Variants in CELSR3 observed in about 807,000 individuals in gnomAD.
CELSR3 encodes the protein cadherin EGF LAG seven-pass G-type receptor 3, also known as EGF-like protein 1.
In CELSR3, 73 loss-of-function variants were observed where a neutral mutation model predicts 270.0. That is an observed-to-expected ratio of 0.27 (90% confidence interval 0.22 to 0.33). CELSR3 has a LOEUF of 0.33. Among genes scored for constraint, CELSR3 ranks in the 10% least tolerant of loss-of-function variants. CELSR3 has a pLI of 1.00. For missense variants in CELSR3, 3,614 were observed against 4,533.8 expected (o/e 0.80, Z 5.83); for synonymous variants, 1,780 against 1,905.4 (o/e 0.93, Z 1.71).
Position 48,642,922 on chromosome 3 carries a change from AG to A in CELSR3, c.8407-39del. ...GGGACAGAGTGTGAGCTAACCCTGA[AG>A]CAGCCTAAAACTCTGGCTTCTCAGG... On this transcript the variant is annotated intron_variant, in intron 29 of 34. Transcript: ENST00000164024. This position sits in a 1 kb window ranked among gnomAD's most constrained non-coding sequence, Gnocchi z 6.1. 1 of 1,611,234 alleles carries A rather than the reference AG, an allele frequency of 6.2e-7. No homozygotes were observed. The highest frequency in any genetic ancestry group is 1.1e-5 in the South Asian group (1 of 91,036).
chr3:48,654,517 C>A lies in CELSR3; in HGVS notation c.4989-65G>T, dbSNP rs1424585076. 7.8e-6 allele frequency: 11 copies of A among 1,418,894 alleles called. No homozygotes were observed. Among genetic ancestry groups the A allele is most frequent in the Admixed American group, 2.3e-5 (1 of 42,744 alleles). 87.9% of individuals were successfully genotyped at this position (1,418,894 alleles called of 1,614,324 possible). On this transcript the variant is annotated intron_variant, in intron 6 of 34. Transcript: ENST00000164024. The surrounding 1 kb of genome is among the most constrained non-coding windows in gnomAD (Gnocchi z 5.4). ...CAGAGTAGAGTTGCTCCTGGGGGGC[C>A]ACAGGAAGCAGGGGGGTAGGACCCA...
intron 20 of CELSR3, 97 bp downstream of exon 20, chr3:48,647,744 G>A (rs2047099546): frequency 1.6e-6 from 2 of 1,256,968 alleles, no homozygotes; most frequent in African/African-American, 3.0e-5. Flanking sequence ...CACTGGGGAG[G>A]TCTAGAAAGG....
rs769231158 is a variant in CELSR3 at position 48,646,969 on chromosome 3, AC to A, written c.7130-42del. 32 of 1,468,780 alleles carry A rather than the reference AC, an allele frequency of 2.2e-5. No homozygotes were observed. The African/African-American group carries it at 4.5e-4, about 21-fold the overall frequency. 91.0% of individuals were successfully genotyped at this position (1,468,780 alleles called of 1,614,324 possible). A position where few individuals can be genotyped will look rare whatever the true frequency, so the allele number is the denominator to read the frequency against. Reference sequence around the variant, plus strand: ...GAGGAGCTTCTGTCAGTGACCTTTGACCCAAAGCACCCACCAACCCAGCTCT... The same window carrying A: ...GAGGAGCTTCTGTCAGTGACCTTTGACCAAAGCACCCACCAACCCAGCTCT... On this transcript the variant is annotated intron_variant, in intron 20 of 34. Coordinates refer to ENST00000164024, the MANE Select transcript of CELSR3 (RefSeq NM_001407.3). The surrounding 1 kb of genome is among the most constrained non-coding windows in gnomAD (Gnocchi z 4.8).
At chr3:48,643,389 G>T in intron 28 of CELSR3, 165 bp downstream of exon 28, 1 of 965,860 alleles carries the variant, frequency 1.0e-6, no homozygotes, top group Non-Finnish European at 1.5e-6. Flanking sequence ...CTCCAGGCCT[G>T]GGGGCAGCAG....
rs375092800 is a variant in CELSR3, at chr3:48,641,291, T to C, written c.9025+33A>G. 1.7e-5 allele frequency: 24 copies of C among 1,413,148 alleles called. No homozygotes were observed. In the African/African-American group the frequency reaches 3.0e-4, roughly 17 times the overall value. 87.5% of individuals were successfully genotyped at this position (1,413,148 alleles called of 1,614,324 possible). A position where few individuals can be genotyped will look rare whatever the true frequency, so the allele number is the denominator to read the frequency against. On this transcript the variant is annotated intron_variant, in intron 33 of 34. Transcript: ENST00000164024. The surrounding 1 kb of genome is among the most constrained non-coding windows in gnomAD (Gnocchi z 4.8). ...CAGGGCATGAGCAGCCCCCAGCGTG[T>C]CTGCGGTGTGGGCCAGGGCTCAGGG...
chr3:48,638,785 G>A (rs1402317706), intron 34 of CELSR3, among the ~76,000 whole-genome samples: 1 of 150,932 alleles, frequency 6.6e-6, no homozygotes, highest in Admixed American at 6.6e-5. Context: ...AGCCCTCAGT[G>A]CCCAAGCCCC....
At chr3:48,649,876 C>G (rs1286737254) in intron 16 of CELSR3, among the ~76,000 whole-genome samples, 1 of 152,136 alleles carries the variant, frequency 6.6e-6, no homozygotes, top group Admixed American at 6.5e-5. Context: ...AGCATGCGTA[C>G]ACAAACAATC....
chr3:48,640,579 G>A lies in CELSR3; in HGVS notation c.9026-20C>T. 1 of 1,536,804 alleles carries A rather than the reference G, an allele frequency of 6.5e-7. No homozygotes were observed. Among genetic ancestry groups the A allele is most frequent in the South Asian group, 1.2e-5 (1 of 82,516 alleles). On this transcript the variant is annotated intron_variant, in intron 33 of 34. Coordinates refer to ENST00000164024, the MANE Select transcript of CELSR3 (RefSeq NM_001407.3). This position sits in a 1 kb window ranked among gnomAD's most constrained non-coding sequence, Gnocchi z 7.5. Reference sequence around the variant, plus strand: ...GGATGCCTGTGAGAGGAAGAAAATGGGGGGCAGGGTTTGTGTGGGAGGGGG... The same window carrying A: ...GGATGCCTGTGAGAGGAAGAAAATGAGGGGCAGGGTTTGTGTGGGAGGGGG...
At position 48,653,938 on chromosome 3, in the gene CELSR3, G is replaced by A. The variant is rs923866136; in HGVS notation, c.5218C>T (p.Arg1740Cys). The change falls in exon 8 of 35, where the codon CGC (arginine) becomes TGC (cysteine). Residue 1740 changes from arginine to cysteine, a missense_variant. Physicochemically the swap from Arg to Cys is radical, Grantham distance 180. Around this residue, in one of 7 missense-constraint regions of CELSR3, gnomAD observed 1,331 missense variants for 1,933.7 expected, o/e 0.69. Coordinates refer to ENST00000164024, the MANE Select transcript of CELSR3 (RefSeq NM_001407.3). This position sits in a 1 kb window ranked among gnomAD's most constrained non-coding sequence, Gnocchi z 6.5. ...CAGTCGCAGCTGAAGCTGCCCCAGC[G>A]CTCCGAGCAGAAGCCACTGTTCTTG... ...PCKNSGFCSE[R>C]WGSFSCDCPV... 9.3e-6 allele frequency: 15 copies of A among 1,613,308 alleles called. No individual in the cohort carries two copies. The highest frequency in any genetic ancestry group is 4.0e-5 in the African/African-American group (3 of 74,950).
chr3:48,644,352 G>T lies in CELSR3; in HGVS notation c.8086-57C>A. 6.9e-7 allele frequency: 1 copy of T among 1,457,858 alleles called. No individual in the cohort carries two copies. Among genetic ancestry groups the T allele is most frequent in the African/African-American group, 1.4e-5 (1 of 72,050 alleles). 90.3% of individuals were successfully genotyped at this position (1,457,858 alleles called of 1,614,324 possible). A position where few individuals can be genotyped will look rare whatever the true frequency, so the allele number is the denominator to read the frequency against. ...CAGGGCAGAGAGAGAGAGAGAGAGA[G>T]AGGCAATGAGAGACAGAGAGAGACT... On this transcript the variant is annotated intron_variant, in intron 26 of 34. Transcript: ENST00000164024. This position sits in a 1 kb window ranked among gnomAD's most constrained non-coding sequence, Gnocchi z 4.8.
Position 48,648,249 on chromosome 3 carries a change from C to CCCCCCCCACAA in CELSR3, c.6973+16_6973+17insTTGTGGGGGGG. 1 of 728,364 alleles carries CCCCCCCCACAA rather than the reference C, an allele frequency of 1.4e-6. No homozygotes were observed. The highest frequency in any genetic ancestry group is 2.3e-6 in the Non-Finnish European group (1 of 433,738). The allele number at this position is 728,364 out of a possible 1,614,324, so 45.1% of individuals were successfully genotyped here. A position where few individuals can be genotyped will look rare whatever the true frequency, so the allele number is the denominator to read the frequency against. ...GGCCCCCCTGCTGTGCCCCGCCCTACCCCACCCACAACGCACTGATATTAG... is the reference window on the plus strand; with the variant it reads ...GGCCCCCCTGCTGTGCCCCGCCCTACCCCCCCCACAACCCACCCACAACGCACTGATATTAG... On this transcript the variant is annotated intron_variant, in intron 19 of 34. Coordinates refer to ENST00000164024, the MANE Select transcript of CELSR3 (RefSeq NM_001407.3).
rs1379643556 is a variant in CELSR3 at position 48,650,275 on chromosome 3, C to G, written c.6472+205G>C. 1 of 678,746 alleles carries G rather than the reference C, an allele frequency of 1.5e-6. No individual in the cohort carries two copies. Among genetic ancestry groups the G allele is most frequent in the South Asian group, 1.5e-5 (1 of 66,554 alleles). The allele number at this position is 678,746 out of a possible 1,614,324, so 42.0% of individuals were successfully genotyped here. ...ACCTGAGCAAACACGTACCCCTTAC[C>G]TGCACCCCGCAATCCTGCCCAGAAG... On this transcript the variant is annotated intron_variant, in intron 16 of 34. Transcript: ENST00000164024. The surrounding 1 kb of genome is among the most constrained non-coding windows in gnomAD (Gnocchi z 5.1).
chr3:48,662,561 G>C lies in CELSR3; in HGVS notation c.74C>G (p.Ser25Cys). The change falls in exon 1 of 35, where the codon TCT (serine) becomes TGT (cysteine). Residue 25 changes from serine (S) to cysteine (C), a missense_variant. By Grantham distance (112) the Ser-to-Cys change is moderately radical (BLOSUM62 -1). Around this residue, in one of 7 missense-constraint regions of CELSR3, gnomAD observed 470 missense variants for 469.7 expected, o/e 1.00. Transcript: ENST00000164024. The surrounding 1 kb of genome is among the most constrained non-coding windows in gnomAD (Gnocchi z 7.1). ...CTCCTCCTGGCTGAGGGGGAACAAA[G>C]AGAGGAGAAGGAGCAGGAGTATGGG... ...STPILLLLLL[S>C]LFPLSQEELG... 1 of 1,578,496 alleles carries C rather than the reference G, an allele frequency of 6.3e-7. No homozygotes were observed. Among genetic ancestry groups the C allele is most frequent in the East Asian group, 2.2e-5 (1 of 44,556 alleles).
chr3:48,645,870 T>C lies in CELSR3; in HGVS notation c.7464-2A>G. The C allele has an allele frequency of 6.3e-7, 1 of 1,593,492 alleles. No homozygotes were observed. The highest frequency in any genetic ancestry group is 8.6e-7 in the Non-Finnish European group (1 of 1,167,190). ...GTCCACACACCATGCTGCTCCGCCC[T>C]GCAGCCACAGGGCAGTTAGACACAA... On this transcript the variant is annotated splice_acceptor_variant, in intron 22 of 34. Coordinates refer to ENST00000164024, the MANE Select transcript of CELSR3 (RefSeq NM_001407.3). LOFTEE classifies it high-confidence loss of function. The surrounding 1 kb of genome is among the most constrained non-coding windows in gnomAD (Gnocchi z 5.4).
In CELSR3 at chr3:48,657,228, G is replaced by A; in HGVS notation, c.3869C>T (p.Pro1290Leu). 2 of 1,613,480 alleles carry A rather than the reference G, an allele frequency of 1.2e-6. No individual in the cohort carries two copies. The highest frequency in any genetic ancestry group is 1.7e-6 in the Non-Finnish European group (2 of 1,179,856). Residue 1290 changes from proline (P) to leucine (L), a missense_variant, in exon 2 of 35, where the codon CCG (proline) becomes CTG (leucine). Transcript: ENST00000164024. This position sits in a 1 kb window ranked among gnomAD's most constrained non-coding sequence, Gnocchi z 5.4. ...GCCCTCGAGGAAGCGGCCCAGCAGC[G>A]GTGACAGGAAGCGCTCCTGCCACAT... ...ENMWQERFLS[P>L]LLGRFLEGVA... is the part of the protein sequence containing the mutation.
Position 48,648,248 on chromosome 3 carries a change from A to AATTGGGGTGACCACC in CELSR3, c.6973+17_6973+18insGGTGGTCACCCCAAT. ...TGGCCCCCCTGCTGTGCCCCGCCCT[A>AATTGGGGTGACCACC]CCCCACCCACAACGCACTGATATTA... On this transcript the variant is annotated intron_variant, in intron 19 of 34. Coordinates refer to ENST00000164024, the MANE Select transcript of CELSR3 (RefSeq NM_001407.3). 1.0e-6 allele frequency: 1 copy of AATTGGGGTGACCACC among 975,258 alleles called. No homozygotes were observed. The highest frequency in any genetic ancestry group is 1.3e-5 in the South Asian group (1 of 76,064). 60.4% of individuals were successfully genotyped at this position (975,258 alleles called of 1,614,324 possible). A position where few individuals can be genotyped will look rare whatever the true frequency, so the allele number is the denominator to read the frequency against.
rs780764728 is a variant in CELSR3 at position 48,659,316 on chromosome 3, C to T, written c.3319G>A (p.Val1107Met). ...AACAGCTCAGGGATGTTCCCCTCCA[C>T]GATCTGGTACATTATATGGGCATTG... ...GPNAHIMYQI[V>M]EGNIPELFQM... The change falls in exon 1 of 35, where the codon GTG (valine) becomes ATG (methionine). Residue 1107 changes from valine to methionine, a missense_variant. Coordinates refer to ENST00000164024, the MANE Select transcript of CELSR3 (RefSeq NM_001407.3). This position sits in a 1 kb window ranked among gnomAD's most constrained non-coding sequence, Gnocchi z 8.1. 2.8e-5 allele frequency: 46 copies of T among 1,614,068 alleles called. No individual in the cohort carries two copies. The highest frequency in any genetic ancestry group is 1.6e-4 in the Middle Eastern group (1 of 6,084).
rs1361649572 is a variant in CELSR3 at position 48,654,538 on chromosome 3, ACC to A, written c.4989-88_4989-87del. 4.3e-6 allele frequency: 5 copies of A among 1,161,052 alleles called. No individual in the cohort carries two copies. The highest frequency in any genetic ancestry group is 4.9e-6 in the Non-Finnish European group (4 of 821,698). The allele number at this position is 1,161,052 out of a possible 1,614,324, so 71.9% of individuals were successfully genotyped here. A position where few individuals can be genotyped will look rare whatever the true frequency, so the allele number is the denominator to read the frequency against. On this transcript the variant is annotated intron_variant, in intron 6 of 34. Coordinates refer to ENST00000164024, the MANE Select transcript of CELSR3 (RefSeq NM_001407.3). This position sits in a 1 kb window ranked among gnomAD's most constrained non-coding sequence, Gnocchi z 5.4. ...GGGCCACAGGAAGCAGGGGGGTAGG[ACC>A]CAGAGGGTAGGGTGATTGAGGGAGG...
Position 48,642,576 on chromosome 3 carries a change from GGT to G in CELSR3, c.8556-111_8556-110del. The G allele has an allele frequency of 7.0e-7, 1 of 1,423,334 alleles. No individual in the cohort carries two copies. Among genetic ancestry groups the G allele is most frequent in the Non-Finnish European group, 9.5e-7 (1 of 1,048,916 alleles). 88.2% of individuals were successfully genotyped at this position (1,423,334 alleles called of 1,614,324 possible). ...AGCTGCGGGTGGAATGGCATCCCTGGGTGTGTGTGGTGGGAAGCATTTAGGGC... is the reference window on the plus strand; with the variant it reads ...AGCTGCGGGTGGAATGGCATCCCTGGGTGTGTGGTGGGAAGCATTTAGGGC... On this transcript the variant is annotated intron_variant, in intron 30 of 34. Transcript: ENST00000164024. This position sits in a 1 kb window ranked among gnomAD's most constrained non-coding sequence, Gnocchi z 6.1.
Sources: gnomAD v4.1 joint callset for allele counts (sites outside exome capture counted in the v4.1 genomes callset) on GRCh38, gnomAD v4.1.1 for gene constraint, gnomAD v4.1.1 regional missense constraint, Gnocchi (gnomAD v3.1) non-coding constraint, MANE v1.5 for transcripts, NCBI Gene and HGNC (gene_info 2026-07-23, HGNC 2026-07-21) for gene names.